The following GALNT13 variants were observed in gnomAD, a reference collection of about 807,000 sequenced individuals.
GALNT13 encodes the protein UDP-GalNAc:polypeptide N-acetylgalactosaminyltransferase 13.
In GALNT13, 28 loss-of-function variants were observed where a neutral mutation model predicts 64.2. That is an observed-to-expected ratio of 0.44 (90% confidence interval 0.32 to 0.60). The LOEUF (loss-of-function observed/expected upper bound fraction) is 0.60, where lower values mean the gene tolerates loss of function less well. Ranked by LOEUF, GALNT13 falls within the 20% of genes least tolerant of loss-of-function variation. The pLI is 0.05. For synonymous variants in GALNT13, 214 were observed against 224.6 expected (o/e 0.95, Z 0.42); for missense variants, 577 against 669.8 (o/e 0.86, Z 1.53).
chr2:153,408,440 G>GT, the GALNT13 span, among the ~76,000 whole-genome samples: 2 of 151,944 alleles, frequency 1.3e-5, no homozygotes, highest in African/African-American at 4.8e-5. Context: ...AAGGAAGAGA[G>GT]TAAGGGAGGG....
chr2:153,759,605 T>C, the GALNT13 span, among the ~76,000 whole-genome samples: 3 of 152,152 alleles, frequency 2.0e-5, no homozygotes, highest in East Asian at 5.8e-4. Flanking sequence ...GGTATATCAT[T>C]CTTATAAATT....
At chr2:153,602,557 AAAC>A in the GALNT13 span, among the ~76,000 whole-genome samples, 3 of 151,860 alleles carry the variant, frequency 2.0e-5, no homozygotes, top group Admixed American at 1.3e-4. Context: ...AAGGAAGAAG[AAAC>A]AACAAGTACA....
chr2:154,234,681 C>G (rs1689097382), intron 4 of GALNT13, among the ~76,000 whole-genome samples: 1 of 152,108 alleles, frequency 6.6e-6, no homozygotes, highest in South Asian at 2.1e-4. Context: ...TTCTACACTT[C>G]TATTTCATCT....
the GALNT13 span, among the ~76,000 whole-genome samples, chr2:153,399,831 C>T: frequency 3.3e-5 from 5 of 151,856 alleles, no homozygotes; most frequent in Non-Finnish European, 5.9e-5. Flanking sequence ...TGGGCTGAGA[C>T]AATGGGGTTT....
chr2:154,114,382 C>T (rs1558965663), intron 3 of GALNT13, among the ~76,000 whole-genome samples: 1 of 152,166 alleles, frequency 6.6e-6, no homozygotes, highest in Non-Finnish European at 1.5e-5. Context: ...TGAGCTAAAA[C>T]TCCATTAATT....
At chr2:153,677,555 A>G in the GALNT13 span, among the ~76,000 whole-genome samples, 1 of 152,030 alleles carries the variant, frequency 6.6e-6, no homozygotes, top group Non-Finnish European at 1.5e-5. Context: ...AGAAAAAAAA[A>G]CTATTTTACA....
chr2:153,414,644 A>G, the GALNT13 span, among the ~76,000 whole-genome samples: 2 of 152,146 alleles, frequency 1.3e-5, no homozygotes, highest in Non-Finnish European at 2.9e-5. Flanking sequence ...ATGGAATCAT[A>G]TATGCAAAGG....
intron 3 of GALNT13, among the ~76,000 whole-genome samples, chr2:154,068,285 A>T (rs936390125): frequency 3.9e-5 from 6 of 151,946 alleles, no homozygotes; most frequent in Admixed American, 2.0e-4. Context: ...TAATACAAGT[A>T]CTATGGAGAA....
the GALNT13 span, among the ~76,000 whole-genome samples, chr2:153,317,285 C>T: frequency 6.6e-6 from 1 of 151,978 alleles, no homozygotes; most frequent in Non-Finnish European, 1.5e-5. Flanking sequence ...TGAAGAGACA[C>T]TTTATCATTC....
At chr2:154,104,182 A>G (rs67700868) in intron 3 of GALNT13, among the ~76,000 whole-genome samples, 7,497 of 131,662 alleles carry the variant, frequency 0.057, 246 homozygotes, top group South Asian at 0.13. Context: ...TCAGGGCATG[A>G]TGCAACTGAG....
chr2:153,526,493 G>C, the GALNT13 span, among the ~76,000 whole-genome samples: 1 of 152,200 alleles, frequency 6.6e-6, no homozygotes, highest in Non-Finnish European at 1.5e-5. Flanking sequence ...GTGTTACTAG[G>C]CTTGGGGTTT....
the GALNT13 span, among the ~76,000 whole-genome samples, chr2:153,372,981 G>C: frequency 6.6e-6 from 1 of 152,048 alleles, no homozygotes; most frequent in Non-Finnish European, 1.5e-5. Flanking sequence ...TGCCATTTTT[G>C]TGGAGTTGCA....
At chr2:154,203,264 C>T (rs539536825) in intron 4 of GALNT13, among the ~76,000 whole-genome samples, 2 of 152,238 alleles carry the variant, frequency 1.3e-5, no homozygotes, top group African/African-American at 4.8e-5. Flanking sequence ...TTGTATTCCT[C>T]TTATTCAATT....
At chr2:153,076,607 A>G in the GALNT13 span, among the ~76,000 whole-genome samples, 7 of 152,098 alleles carry the variant, frequency 4.6e-5, no homozygotes, top group South Asian at 2.1e-4. Context: ...GATTTATACT[A>G]TTGTATAGTT....
At chr2:153,188,699 A>G in the GALNT13 span, among the ~76,000 whole-genome samples, 2 of 152,166 alleles carry the variant, frequency 1.3e-5, no homozygotes, top group African/African-American at 4.8e-5. Flanking sequence ...TTCCTTGGAT[A>G]GCAGAGAGAG....
the GALNT13 span, among the ~76,000 whole-genome samples, chr2:153,225,712 T>TA: frequency 1.3e-5 from 2 of 151,928 alleles, no homozygotes; most frequent in Admixed American, 1.3e-4. Context: ...AATTTAAAAA[T>TA]AAAAAAATTA....
chr2:153,612,598 C>T, the GALNT13 span, among the ~76,000 whole-genome samples: 2 of 151,450 alleles, frequency 1.3e-5, no homozygotes, highest in Admixed American at 6.6e-5. Flanking sequence ...GTTGACATCT[C>T]CAGTACATTC....
chr2:153,910,706 T>G (rs1688880382), intron 2 of GALNT13, among the ~76,000 whole-genome samples: 2 of 152,128 alleles, frequency 1.3e-5, no homozygotes, highest in African/African-American at 4.8e-5. Flanking sequence ...CAAATCATTC[T>G]GAAGCAGGTT....
intron 11 of GALNT13, among the ~76,000 whole-genome samples, chr2:154,432,340 G>A (rs1156631293): frequency 6.6e-6 from 1 of 152,130 alleles, no homozygotes; most frequent in African/African-American, 2.4e-5. Context: ...TGCAAAATTT[G>A]CAATGACAAT....
Sources: gnomAD v4.1 joint callset for allele counts (sites outside exome capture counted in the v4.1 genomes callset) on GRCh38, gnomAD v4.1.1 for gene constraint, MANE v1.5 for transcripts, NCBI Gene and HGNC (gene_info 2026-07-23, HGNC 2026-07-21) for gene names.